The following SSUH2 variants were observed in gnomAD, a reference collection of about 807,000 sequenced individuals.
SSUH2 encodes the protein ssu-2 homolog, also known as protein SSUH2 homolog.
In SSUH2, 47 loss-of-function variants were observed where a neutral mutation model predicts 55.3. The ratio of observed to expected loss-of-function variants is 0.85; its 90% CI spans 0.67 to 1.08. The LOEUF (loss-of-function observed/expected upper bound fraction) is 1.08. Among genes scored for constraint, SSUH2 ranks in the 50% least tolerant of loss-of-function variants. SSUH2 has a pLI of 0.00. For synonymous variants in SSUH2, 212 were observed against 191.5 expected (o/e 1.11, Z -0.89); for missense variants, 535 against 490.7 (o/e 1.09, Z -0.85).
At position 8,620,019 on chromosome 3, in the gene SSUH2, G is replaced by A. The variant is rs1696090493; in HGVS notation, c.982-5C>T. The stretch of plus-strand genomic sequence containing the variant: ...GATCAGCTCAATGGTCTGGCGCTGA[G>A]GAAACAAATAGCCAAGGAAAATGTC... On this transcript the variant is annotated splice_polypyrimidine_tract_variant and splice_region_variant and intron_variant, in intron 11 of 11. Coordinates refer to ENST00000544814, the MANE Select transcript of SSUH2 (RefSeq NM_001256748.3). 6.2e-7 allele frequency: 1 copy of A among 1,613,688 alleles called. No homozygotes were observed. Among genetic ancestry groups the A allele is most frequent in the Non-Finnish European group, 8.5e-7 (1 of 1,179,786 alleles).
intron 7 of SSUH2, 69 bp downstream of exon 7, chr3:8,629,595 C>T: frequency 2.0e-6 from 2 of 1,009,086 alleles, no homozygotes; most frequent in Non-Finnish European, 3.0e-6. Flanking sequence ...ACCAGCCCAG[C>T]CCGCTGTCCC....
At position 8,663,013 on chromosome 3, in the gene SSUH2, C is replaced by G. The variant is rs905350685; in HGVS notation, c.-396+731G>C. Among the ~76,000 whole-genome samples the G allele has an allele frequency of 2.6e-5, 4 of 152,230 alleles. No individual in the cohort carries two copies. The South Asian group carries it at 8.3e-4, about 31-fold the overall frequency. On this transcript the variant is annotated intron_variant, in intron 6 of 18. Coordinates refer to the SSUH2 transcript ENST00000317371. Reference sequence around the variant, plus strand: ...TTGATTTGCTCTCTTCAGCAGGCATCTCCCGGATCAAATCATTGGAAGATC... The same window carrying G: ...TTGATTTGCTCTCTTCAGCAGGCATGTCCCGGATCAAATCATTGGAAGATC...
At chr3:8,659,202 C>T (rs535515557) in intron 6 of SSUH2, among the ~76,000 whole-genome samples, 2 of 151,670 alleles carry the variant, frequency 1.3e-5, no homozygotes, top group Admixed American at 6.6e-5. Context: ...TTTGTGGTTG[C>T]TTTTTTTTTA....
chr3:8,658,264 T>C (rs1448720737), intron 7 of SSUH2, among the ~76,000 whole-genome samples: 2 of 152,214 alleles, frequency 1.3e-5, no homozygotes, highest in Non-Finnish European at 2.9e-5. Flanking sequence ...TGAGTAGAAT[T>C]GCTGTTATTC....
chr3:8,650,464 G>C (rs1427940598), intron 7 of SSUH2, among the ~76,000 whole-genome samples: 3 of 152,196 alleles, frequency 2.0e-5, no homozygotes, highest in Non-Finnish European at 4.4e-5. Context: ...TTCTTATGCA[G>C]GGACTTTATC....
At chr3:8,641,213 G>A (rs900078416) in intron 1 of SSUH2, among the ~76,000 whole-genome samples, 26 of 152,204 alleles carry the variant, frequency 1.7e-4, no homozygotes, top group African/African-American at 5.5e-4. Context: ...TTTGCCAAAC[G>A]GCTTCTTAAG....
intron 5 of SSUH2, among the ~76,000 whole-genome samples, chr3:8,670,397 C>A (rs1559533559): frequency 6.6e-6 from 1 of 152,028 alleles, no homozygotes; most frequent in Non-Finnish European, 1.5e-5. Flanking sequence ...ATGATGTACA[C>A]CACCTGTGTC....
intron 6 of SSUH2, among the ~76,000 whole-genome samples, chr3:8,660,797 C>T (rs1268817871): frequency 1.3e-5 from 2 of 152,214 alleles, no homozygotes; most frequent in African/African-American, 4.8e-5. Context: ...TGTGCTCAGT[C>T]TTTGTTCAAT....
chr3:8,629,730 A>C lies in SSUH2; in HGVS notation c.526-4T>G, dbSNP rs762493823. ...GCCCATGGCATTTGTGGCATTCCTG[A>C]AAGTGCAACGCTTTCTTGGGATCTA... On this transcript the variant is annotated splice_polypyrimidine_tract_variant and splice_region_variant and intron_variant, in intron 6 of 11. Coordinates refer to ENST00000544814, the MANE Select transcript of SSUH2 (RefSeq NM_001256748.3). The C allele has an allele frequency of 6.2e-7, 1 of 1,614,020 alleles. No individual in the cohort carries two copies. Among genetic ancestry groups the C allele is most frequent in the Non-Finnish European group, 8.5e-7 (1 of 1,180,004 alleles).
chr3:8,633,136 T>C (rs1352096996), intron 4 of SSUH2, among the ~76,000 whole-genome samples: 1 of 145,582 alleles, frequency 6.9e-6, no homozygotes, highest in Non-Finnish European at 1.5e-5. Flanking sequence ...TGGTGTTTGA[T>C]GACGCCTTTT....
chr3:8,625,451 T>C (rs1159485199), intron 10 of SSUH2, 91 bp downstream of exon 10: 3 of 761,500 alleles, frequency 3.9e-6, no homozygotes, highest in Non-Finnish European at 6.8e-6. Context: ...TTCCAAGGAA[T>C]GCAGCCTGCA....
intron 1 of SSUH2, among the ~76,000 whole-genome samples, chr3:8,643,983 T>G (rs1252948799): frequency 6.8e-6 from 1 of 146,932 alleles, no homozygotes; most frequent in African/African-American, 2.4e-5. Flanking sequence ...GCTCTTCCCC[T>G]CCCCACTCCC....
upstream of SSUH2, among the ~76,000 whole-genome samples, chr3:8,645,913 A>G (rs1426177801): frequency 6.6e-6 from 1 of 152,166 alleles, no homozygotes; most frequent in Non-Finnish European, 1.5e-5. Flanking sequence ...AGTATTCACA[A>G]TTTCACAAAT....
intron 3 of SSUH2, among the ~76,000 whole-genome samples, chr3:8,675,189 C>G (rs1326046537): frequency 6.6e-6 from 1 of 152,216 alleles, no homozygotes; most frequent in Non-Finnish European, 1.5e-5. Flanking sequence ...GCTGGTTCAC[C>G]TGCTTGGACC....
At chr3:8,665,787 G>T (rs1049755386) in intron 5 of SSUH2, among the ~76,000 whole-genome samples, 7 of 152,166 alleles carry the variant, frequency 4.6e-5, no homozygotes, top group African/African-American at 7.2e-5. Flanking sequence ...CCTAAAAATA[G>T]AATCTTTATT....
At chr3:8,621,797 G>T (rs1207441729) in intron 11 of SSUH2, among the ~76,000 whole-genome samples, 1 of 152,070 alleles carries the variant, frequency 6.6e-6, no homozygotes, top group Non-Finnish European at 1.5e-5. Flanking sequence ...CCCCAAATAG[G>T]GACTAAAGGG....
intron 5 of SSUH2, among the ~76,000 whole-genome samples, chr3:8,669,941 T>C (rs1176908676): frequency 6.6e-6 from 1 of 152,218 alleles, no homozygotes; most frequent in African/African-American, 2.4e-5. Context: ...GAAAAACTGG[T>C]GACATCTGAA....
intron 3 of SSUH2, among the ~76,000 whole-genome samples, chr3:8,673,099 GATT>G (rs1282778100): frequency 1.3e-5 from 2 of 151,790 alleles, no homozygotes; most frequent in African/African-American, 2.4e-5. Flanking sequence ...ATAGTGTTCA[GATT>G]ATTAATATTA....
At chr3:8,666,049 C>T (rs1174890804) in intron 5 of SSUH2, among the ~76,000 whole-genome samples, 1 of 152,216 alleles carries the variant, frequency 6.6e-6, no homozygotes, top group African/African-American at 2.4e-5. Context: ...GCTCCCAAAA[C>T]ACCTCTGAGA....
Sources: allele counts gnomAD v4.1 joint callset (sites outside exome capture counted in the v4.1 genomes callset), GRCh38; gene constraint gnomAD v4.1.1; transcripts MANE v1.5; gene names NCBI Gene and HGNC (gene_info 2026-07-23, HGNC 2026-07-21).